CDC42SE2: variants seen among roughly 807,000 people sequenced by gnomAD.
CDC42SE2 encodes CDC42 small effector protein 2.
CDC42SE2 carries 3 observed loss-of-function variants against 11.5 expected under a neutral mutation model. The observed-to-expected ratio is 0.26, with a 90% confidence interval of 0.12 to 0.67. The LOEUF is 0.67. CDC42SE2 is among the 30% of genes least tolerant of loss of function. The pLI is 0.80. For synonymous variants in CDC42SE2, 33 were observed against 34.8 expected, an observed-to-expected ratio of 0.95 and a Z score of 0.18; for missense variants, 82 against 106.8, an observed-to-expected ratio of 0.77 and a Z score of 1.02.
At chr5:131,366,915 C>G (rs1166264890) in intron 3 of CDC42SE2, among the ~76,000 whole-genome samples, 1 of 151,856 alleles carries the variant, frequency 6.6e-6, no homozygotes, top group African/African-American at 2.4e-5. Flanking sequence ...GTAGGCCCAG[C>G]TACTCGGGAG....
chr5:131,280,626 C>T (rs1332420229), intron 1 of CDC42SE2, among the ~76,000 whole-genome samples: 1 of 152,108 alleles, frequency 6.6e-6, no homozygotes, highest in East Asian at 1.9e-4. Flanking sequence ...CTTACCATTG[C>T]ACAATAGCCT....
chr5:131,336,586 TC>T (rs1247756902), intron 2 of CDC42SE2, among the ~76,000 whole-genome samples: 4 of 152,222 alleles, frequency 2.6e-5, no homozygotes, highest in African/African-American at 9.6e-5. Context: ...GGTTCCATTC[TC>T]CCCGTCACTT....
At chr5:131,266,574 C>A (rs867407065) in intron 1 of CDC42SE2, among the ~76,000 whole-genome samples, 5 of 151,624 alleles carry the variant, frequency 3.3e-5, no homozygotes, top group Admixed American at 6.6e-5. Context: ...ATTCTCATGC[C>A]TCAGCCTCCC....
intron 2 of CDC42SE2, among the ~76,000 whole-genome samples, chr5:131,346,089 A>G (rs1292092305): frequency 6.6e-6 from 1 of 152,244 alleles, no homozygotes; most frequent in Admixed American, 6.5e-5. Flanking sequence ...AAGAAACTGC[A>G]TCAACTAACG....
chr5:131,331,469 G>A (rs1002722826), intron 2 of CDC42SE2, among the ~76,000 whole-genome samples: 1 of 152,174 alleles, frequency 6.6e-6, no homozygotes, highest in Non-Finnish European at 1.5e-5. Context: ...TGTCTGAGCT[G>A]TGGGTTCATC....
At chr5:131,252,791 A>G (rs1194803447) in intron 1 of CDC42SE2, among the ~76,000 whole-genome samples, 4 of 152,174 alleles carry the variant, frequency 2.6e-5, no homozygotes, top group Non-Finnish European at 5.9e-5. Flanking sequence ...TCAGCCTCTC[A>G]TATCTTCCTG....
At chr5:131,389,021 A>ATCTC in intron 4 of CDC42SE2, among the ~76,000 whole-genome samples, 1 of 151,974 alleles carries the variant, frequency 6.6e-6, no homozygotes, top group African/African-American at 2.4e-5. Flanking sequence ...TTTTTTGTAG[A>ATCTC]GATGGGGTTT....
At chr5:131,366,571 G>T (rs1254295618) in intron 3 of CDC42SE2, among the ~76,000 whole-genome samples, 8 of 151,382 alleles carry the variant, frequency 5.3e-5, no homozygotes, top group Middle Eastern at 3.4e-3. Flanking sequence ...TTGTTTTTTT[G>T]TTTTTTTTAC....
intron 2 of CDC42SE2, among the ~76,000 whole-genome samples, chr5:131,328,465 A>G (rs947038307): frequency 6.6e-6 from 1 of 151,932 alleles, no homozygotes; most frequent in Non-Finnish European, 1.5e-5. Flanking sequence ...TGAAATGTTT[A>G]TTCTTCCCTA....
At chr5:131,301,763 A>G (rs1280211889) in intron 1 of CDC42SE2, among the ~76,000 whole-genome samples, 1 of 151,942 alleles carries the variant, frequency 6.6e-6, no homozygotes, top group Admixed American at 6.6e-5. Context: ...GTCTCAAAAA[A>G]AAAAAAAAAT....
At chr5:131,333,419 C>G (rs1376725670) in intron 2 of CDC42SE2, among the ~76,000 whole-genome samples, 4 of 152,106 alleles carry the variant, frequency 2.6e-5, no homozygotes, top group African/African-American at 9.7e-5. Context: ...CAGCTTTGTT[C>G]TTTTGGCTTA....
chr5:131,234,613 G>C, the CDC42SE2 span, among the ~76,000 whole-genome samples: 1 of 150,260 alleles, frequency 6.7e-6, no homozygotes, highest in African/African-American at 2.5e-5. Context: ...TCCAGCCTGG[G>C]TGACAGAGTG....
At chr5:131,273,987 A>G (rs1191338438) in intron 1 of CDC42SE2, among the ~76,000 whole-genome samples, 2 of 151,948 alleles carry the variant, frequency 1.3e-5, no homozygotes, top group African/African-American at 2.4e-5. Flanking sequence ...CATGTTGCCC[A>G]GGCTGGTCTT....
At chr5:131,356,726 C>G (rs1224267053) in intron 2 of CDC42SE2, among the ~76,000 whole-genome samples, 1 of 152,102 alleles carries the variant, frequency 6.6e-6, no homozygotes, top group Admixed American at 6.5e-5. Flanking sequence ...CTGGGCAAAA[C>G]AGTGAGACCC....
At chr5:131,218,223 A>C in the CDC42SE2 span, among the ~76,000 whole-genome samples, 4 of 151,940 alleles carry the variant, frequency 2.6e-5, no homozygotes, top group African/African-American at 9.7e-5. Context: ...AAAAAGAAAA[A>C]TGAGCATAAG....
intron 2 of CDC42SE2, among the ~76,000 whole-genome samples, chr5:131,321,097 C>T (rs1219105914): frequency 2.0e-5 from 3 of 152,148 alleles, no homozygotes; most frequent in Non-Finnish European, 2.9e-5. Context: ...TGGAAAACAT[C>T]TGCCAAATTT....
chr5:131,308,873 C>T (rs900449094), intron 1 of CDC42SE2, among the ~76,000 whole-genome samples: 9 of 152,130 alleles, frequency 5.9e-5, no homozygotes, highest in Non-Finnish European at 1.3e-4. Context: ...TCTAGCTATA[C>T]AATCATGTCA....
At chr5:131,265,226 G>C (rs1756834825) in intron 1 of CDC42SE2, among the ~76,000 whole-genome samples, 1 of 151,996 alleles carries the variant, frequency 6.6e-6, no homozygotes, top group African/African-American at 2.4e-5. Flanking sequence ...TATCAAATTT[G>C]GATTTTCTCT....
chr5:131,308,067 T>C (rs1317827370), intron 1 of CDC42SE2, among the ~76,000 whole-genome samples: 1 of 152,198 alleles, frequency 6.6e-6, no homozygotes, highest in African/African-American at 2.4e-5. Flanking sequence ...AGCTCTTTAG[T>C]TTAATTAGAG....
Sources: allele counts gnomAD v4.1 joint callset (sites outside exome capture counted in the v4.1 genomes callset), GRCh38; gene constraint gnomAD v4.1.1; transcripts MANE v1.5; gene names NCBI Gene and HGNC (gene_info 2026-07-23, HGNC 2026-07-21).